Variants in CLPTM1 observed in about 807,000 individuals in gnomAD.
CLPTM1 encodes the protein CLPTM1 regulator of GABA type A receptor forward trafficking, also known as putative lipid scramblase CLPTM1.
Under a neutral mutation model 77.3 loss-of-function variants are expected in CLPTM1, and 21 were observed. The ratio of observed to expected loss-of-function variants is 0.27; its 90% CI spans 0.19 to 0.39. The LOEUF (loss-of-function observed/expected upper bound fraction) is 0.39. CLPTM1 is among the 10% of genes least tolerant of loss of function. CLPTM1 has a pLI of 1.00. For missense variants in CLPTM1, 642 were observed against 921.2 expected, an observed-to-expected ratio of 0.70 and a Z score of 3.92; for synonymous variants, 373 against 381.0, an observed-to-expected ratio of 0.98 and a Z score of 0.24.
chr19:44,978,096 C>G (rs1028734607), intron 5 of CLPTM1, among the ~76,000 whole-genome samples: 1 of 147,590 alleles, frequency 6.8e-6, no homozygotes, highest in African/African-American at 2.5e-5. Flanking sequence ...GGTGACAGAC[C>G]GAGAACCTGT....
intron 1 of CLPTM1, among the ~76,000 whole-genome samples, chr19:44,957,650 C>A (rs1021811143): frequency 6.6e-6 from 1 of 152,160 alleles, no homozygotes; most frequent in Non-Finnish European, 1.5e-5. Context: ...CGTGCAGATC[C>A]GAGAGCAGGA....
At position 44,992,970 on chromosome 19, in the gene CLPTM1, C is replaced by T; in HGVS notation, c.*73C>T. ...GCGTCCCGGCCCCCTCGCCTCCCCT[C>T]CCTGTCGCCCTTTCCCTGGACAGAT... is the stretch of plus-strand genomic sequence containing the variant. On this transcript the variant is annotated 3_prime_UTR_variant, in exon 14 of 14. Coordinates refer to ENST00000337392, the MANE Select transcript of CLPTM1 (RefSeq NM_001294.4). This position sits in a 1 kb window ranked among gnomAD's most constrained non-coding sequence, Gnocchi z 7.7. 1 of 1,517,366 alleles carries T rather than the reference C, an allele frequency of 6.6e-7. No individual in the cohort carries two copies. Among genetic ancestry groups the T allele is most frequent in the Non-Finnish European group, 8.9e-7 (1 of 1,119,064 alleles). The allele number at this position is 1,517,366 out of a possible 1,614,324, so 94.0% of individuals were successfully genotyped here. A position where few individuals can be genotyped will look rare whatever the true frequency, so the allele number is the denominator to read the frequency against.
rs372461257 is a variant in CLPTM1 at position 44,980,216 on chromosome 19, A to G, written c.586+2756A>G. ...GTGAAGGAGAGTGTGAGTTCAGAAA[A>G]GCCCCCTTTTGGCTGGTTGTGGTGG... On this transcript the variant is annotated intron_variant, in intron 5 of 13. Coordinates refer to ENST00000337392, the MANE Select transcript of CLPTM1 (RefSeq NM_001294.4). Among the ~76,000 whole-genome samples the G allele has an allele frequency of 9.9e-5, 15 of 152,210 alleles. No individual in the cohort carries two copies. In the East Asian group the frequency reaches 1.7e-3, roughly 18 times the overall value.
Position 44,985,270 on chromosome 19 carries a change from A to G in CLPTM1, c.639A>G (p.Thr213=), listed in dbSNP as rs1970960188. ...RRFQKTKNLL[T]GETEADPEMI... is the part of the protein sequence containing the mutation. ...TTCAGAAAACCAAGAACCTGCTGAC[A>G]GGAGAGACAGAAGCGGACCCAGAAA... Residue 213 remains threonine, a synonymous_variant, in exon 6 of 14, where the codon ACA becomes ACG. Transcript: ENST00000337392. 1.2e-6 allele frequency: 2 copies of G among 1,613,910 alleles called. No homozygotes were observed. The highest frequency in any genetic ancestry group is 8.5e-7 in the Non-Finnish European group (1 of 1,179,818).
intron 2 of CLPTM1, among the ~76,000 whole-genome samples, chr19:44,963,818 A>G (rs1301656108): frequency 6.7e-6 from 1 of 149,956 alleles, no homozygotes; most frequent in Non-Finnish European, 1.5e-5. Context: ...GGGTTTCTCC[A>G]TGTTGGTCAG....
chr19:44,974,459 A>G lies in CLPTM1; in HGVS notation c.330A>G (p.Ser110=), dbSNP rs1436855060. The change falls in exon 4 of 14, where the codon TCA becomes TCG. Residue 110 remains serine, a synonymous_variant. Coordinates refer to ENST00000337392, the MANE Select transcript of CLPTM1 (RefSeq NM_001294.4). ...AACAGAACCTGCATGTGTACATCTC[A>G]GAGCACGAGCACTTTACAGACTTCA... The part of the protein sequence containing the change: ...DTLMNLHVYI[S]EHEHFTDFNA... 4 of 1,613,844 alleles carry G rather than the reference A, an allele frequency of 2.5e-6. No homozygotes were observed. The highest frequency in any genetic ancestry group is 3.4e-6 in the Non-Finnish European group (4 of 1,179,852).
In CLPTM1 at chr19:44,990,994, G is replaced by C. The variant is rs200634503; in HGVS notation, c.1419+49G>C. On this transcript the variant is annotated intron_variant, in intron 11 of 13. Coordinates refer to ENST00000337392, the MANE Select transcript of CLPTM1 (RefSeq NM_001294.4). The surrounding 1 kb of genome is among the most constrained non-coding windows in gnomAD (Gnocchi z 4.8). ...CCTGGGGGTGGTCTCCAGGTACCAC[G>C]TATCCCTGAGGCACCCGGGGCCGGC... 2 of 1,251,374 alleles carry C rather than the reference G, an allele frequency of 1.6e-6. No homozygotes were observed. Among genetic ancestry groups the C allele is most frequent in the South Asian group, 1.3e-5 (1 of 79,512 alleles). The allele number at this position is 1,251,374 out of a possible 1,614,324, so 77.5% of individuals were successfully genotyped here. A position where few individuals can be genotyped will look rare whatever the true frequency, so the allele number is the denominator to read the frequency against.
chr19:44,973,324 T>A, intron 3 of CLPTM1, 114 bp downstream of exon 3: 1 of 1,428,144 alleles, frequency 7.0e-7, no homozygotes, highest in Non-Finnish European at 9.6e-7. Flanking sequence ...CTGGCAGGTC[T>A]AGGAAAACAG....
intron 2 of CLPTM1, among the ~76,000 whole-genome samples, chr19:44,966,228 A>G (rs1323122402): frequency 2.0e-5 from 3 of 152,140 alleles, no homozygotes; most frequent in Non-Finnish European, 2.9e-5. Flanking sequence ...TGGCTAACAC[A>G]GTGAAACTGC....
intron 2 of CLPTM1, among the ~76,000 whole-genome samples, chr19:44,965,177 T>C (rs567596583): frequency 1.8e-4 from 27 of 152,068 alleles, no homozygotes; most frequent in Non-Finnish European, 3.1e-4. Flanking sequence ...ACTTATGAGA[T>C]AGAAGGAATT....
At chr19:44,987,951 C>A in intron 8 of CLPTM1, 129 bp from the exon 9 acceptor site, 3 of 728,726 alleles carry the variant, frequency 4.1e-6, no homozygotes, top group South Asian at 1.5e-5. Context: ...CATCTCTGAC[C>A]CAGTCTCCTC....
Position 44,992,165 on chromosome 19 carries a change from C to A in CLPTM1, c.1556-68C>A. ...GGAAGTGGTGAGGGGGCTGGTATGGCCAGTGCAGAGTGCACAGGGGAGAGG... is the reference window on the plus strand; with the variant it reads ...GGAAGTGGTGAGGGGGCTGGTATGGACAGTGCAGAGTGCACAGGGGAGAGG... On this transcript the variant is annotated intron_variant, in intron 12 of 13. Coordinates refer to ENST00000337392, the MANE Select transcript of CLPTM1 (RefSeq NM_001294.4). This position sits in a 1 kb window ranked among gnomAD's most constrained non-coding sequence, Gnocchi z 7.7. 6.5e-7 allele frequency: 1 copy of A among 1,547,538 alleles called. No homozygotes were observed. Among genetic ancestry groups the A allele is most frequent in the Non-Finnish European group, 8.9e-7 (1 of 1,127,118 alleles).
At chr19:44,970,169 G>A (rs1270878876) in intron 2 of CLPTM1, among the ~76,000 whole-genome samples, 1 of 147,548 alleles carries the variant, frequency 6.8e-6, no homozygotes, top group Non-Finnish European at 1.5e-5. Flanking sequence ...GCATTACCAA[G>A]TCCTAGGTTT....
chr19:44,969,979 G>A (rs946012806), intron 2 of CLPTM1, among the ~76,000 whole-genome samples: 5 of 147,502 alleles, frequency 3.4e-5, no homozygotes, highest in Non-Finnish European at 5.9e-5. Flanking sequence ...GCCCAGCCTC[G>A]TTTTGGTTTT....
At chr19:44,954,985 C>T (rs925504296), upstream of CLPTM1, 2 of 1,535,452 alleles carry the variant, frequency 1.3e-6, no homozygotes, top group Non-Finnish European at 1.7e-6. Context: ...CGAAGCCGTA[C>T]AGTGGCCGGT....
At position 44,974,604 on chromosome 19, in the gene CLPTM1, G is replaced by T. The variant is rs1185279380; in HGVS notation, c.468+7G>T. On this transcript the variant is annotated splice_region_variant and intron_variant, in intron 4 of 13. Coordinates refer to ENST00000337392, the MANE Select transcript of CLPTM1 (RefSeq NM_001294.4). ...TGAGCTCGATATCCCACAGGTGGGG[G>T]CAGCTCTCGGTTTCTGGCCCCATGG... The T allele has an allele frequency of 1.9e-6, 3 of 1,611,812 alleles. No individual in the cohort carries two copies. The highest frequency in any genetic ancestry group is 3.3e-5 in the Admixed American group (2 of 59,866).
chr19:44,955,838 G>A, intron 1 of CLPTM1: 1 of 216,190 alleles, frequency 4.6e-6, no homozygotes, highest in Non-Finnish European at 9.1e-6. Flanking sequence ...TGTAGTGTTT[G>A]AGGTGTGCGC....
chr19:44,967,582 G>A (rs996708005), intron 2 of CLPTM1, among the ~76,000 whole-genome samples: 14 of 151,996 alleles, frequency 9.2e-5, no homozygotes, highest in South Asian at 4.2e-4. Flanking sequence ...GCTTGAACCC[G>A]GGAGGCGGAG....
intron 2 of CLPTM1, 148 bp from the exon 3 acceptor site, chr19:44,972,939 C>T: frequency 1.9e-6 from 2 of 1,074,720 alleles, no homozygotes; most frequent in Non-Finnish European, 2.7e-6. Context: ...TCCTTGCCAG[C>T]CCTGTGACTA....
Sources: allele counts gnomAD v4.1 joint callset (sites outside exome capture counted in the v4.1 genomes callset), GRCh38; gene constraint gnomAD v4.1.1; non-coding constraint Gnocchi (gnomAD v3.1); transcripts MANE v1.5; gene names NCBI Gene and HGNC (gene_info 2026-07-23, HGNC 2026-07-21).